Variants in NEGR1 observed in about 807,000 individuals in gnomAD.
The protein encoded by NEGR1 is neuronal growth regulator 1, also known as IgLON family member 4.
Under a neutral mutation model 40.9 loss-of-function variants are expected in NEGR1, and 10 were observed. The observed-to-expected ratio is 0.24, with a 90% CI of 0.15 to 0.42. The LOEUF is 0.42. NEGR1 is among the 10% of genes least tolerant of loss of function. NEGR1 has a pLI of 1.00. For missense variants in NEGR1, 352 were observed against 438.9 expected (o/e 0.80, Z 1.77); for synonymous variants, 185 against 166.8 (o/e 1.11, Z -0.84).
At position 71,419,657 on chromosome 1, in the gene NEGR1, C is replaced by T. The variant is rs188154556; in HGVS notation, c.941-12087G>A. Among the ~76,000 whole-genome samples, 247 of 152,186 alleles carry T rather than the reference C, an allele frequency of 1.6e-3. 1 individual carries two copies. The highest frequency in any genetic ancestry group is 2.9e-3 in the Non-Finnish European group (195 of 68,002). ...CAGCACTGCTTAATGAAAGTTTTGT[C>T]TCCTCTTGTATTTCTTAAATATTTA... On this transcript the variant is annotated intron_variant, in intron 6 of 6. Coordinates refer to ENST00000357731, the MANE Select transcript of NEGR1 (RefSeq NM_173808.3).
At chr1:71,821,369 C>T (rs1658422949) in intron 2 of NEGR1, among the ~76,000 whole-genome samples, 1 of 151,990 alleles carries the variant, frequency 6.6e-6, no homozygotes, top group Non-Finnish European at 1.5e-5. Context: ...CTGTCCAAAA[C>T]TATTTGAAGA....
At chr1:71,881,016 T>C (rs2101843007) in intron 2 of NEGR1, among the ~76,000 whole-genome samples, 1 of 152,178 alleles carries the variant, frequency 6.6e-6, no homozygotes, top group Middle Eastern at 3.4e-3. Context: ...GTATATGCTT[T>C]TATATAAAAG....
At chr1:72,270,633 TCTGA>T (rs1270122603) in intron 1 of NEGR1, among the ~76,000 whole-genome samples, 1 of 151,924 alleles carries the variant, frequency 6.6e-6, no homozygotes, top group Admixed American at 6.6e-5. Context: ...ATCTTCATCC[TCTGA>T]CTCTTTCACT....
At chr1:72,197,860 C>A (rs1363317215) in intron 1 of NEGR1, among the ~76,000 whole-genome samples, 1 of 151,998 alleles carries the variant, frequency 6.6e-6, no homozygotes, top group Admixed American at 6.6e-5. Flanking sequence ...CTTTCATTAG[C>A]CCTGGGTTAA....
intron 6 of NEGR1, among the ~76,000 whole-genome samples, chr1:71,510,078 C>A (rs1647062596): frequency 6.6e-6 from 1 of 152,084 alleles, no homozygotes; most frequent in Non-Finnish European, 1.5e-5. Context: ...AATTAATGAC[C>A]CATTAATGGG....
At chr1:72,040,214 T>G (rs113643096) in intron 1 of NEGR1, among the ~76,000 whole-genome samples, 245 of 151,892 alleles carry the variant, frequency 1.6e-3, no homozygotes, top group African/African-American at 5.6e-3. Flanking sequence ...GTCATAGTCT[T>G]CCCCCGAATC....
intron 1 of NEGR1, among the ~76,000 whole-genome samples, chr1:72,273,783 C>T (rs1314433259): frequency 2.0e-5 from 3 of 151,282 alleles, no homozygotes; most frequent in Admixed American, 6.6e-5. Context: ...TCTCTTAAAC[C>T]ACTAAGACTG....
At chr1:71,900,196 T>C (rs1661106034) in intron 2 of NEGR1, among the ~76,000 whole-genome samples, 1 of 152,140 alleles carries the variant, frequency 6.6e-6, no homozygotes, top group South Asian at 2.1e-4. Context: ...TTAAGAACTC[T>C]TGTAAGGGAT....
At chr1:71,636,312 T>C (rs993335226) in intron 4 of NEGR1, among the ~76,000 whole-genome samples, 8 of 152,148 alleles carry the variant, frequency 5.3e-5, no homozygotes, top group African/African-American at 1.9e-4. Flanking sequence ...ATCTGGAGGT[T>C]CTTTAATGAG....
chr1:71,949,269 C>T (rs1646048001), intron 1 of NEGR1, among the ~76,000 whole-genome samples: 1 of 152,126 alleles, frequency 6.6e-6, no homozygotes, highest in Admixed American at 6.6e-5. Flanking sequence ...CTTTGGAAAG[C>T]TATCCCTGAC....
chr1:72,117,598 T>C (rs1380716025), intron 1 of NEGR1, among the ~76,000 whole-genome samples: 1 of 151,790 alleles, frequency 6.6e-6, no homozygotes, highest in African/African-American at 2.4e-5. Context: ...CCATGGAATT[T>C]GGGACAACCT....
At chr1:71,942,287 G>A (rs1645966317) in intron 1 of NEGR1, among the ~76,000 whole-genome samples, 1 of 149,470 alleles carries the variant, frequency 6.7e-6, no homozygotes, top group Non-Finnish European at 1.5e-5. Flanking sequence ...TTGTAAATTA[G>A]ATGGGAAAAA....
At chr1:71,481,726 G>A (rs1033183409) in intron 6 of NEGR1, among the ~76,000 whole-genome samples, 1 of 151,596 alleles carries the variant, frequency 6.6e-6, no homozygotes, top group Admixed American at 6.6e-5. Context: ...GATTTTCTTA[G>A]TCTTTCATTT....
At chr1:71,972,452 A>C (rs1646264823) in intron 1 of NEGR1, among the ~76,000 whole-genome samples, 2 of 152,200 alleles carry the variant, frequency 1.3e-5, no homozygotes, top group Admixed American at 1.3e-4. Context: ...CTTTCTTCAA[A>C]AATACTTCTG....
intron 1 of NEGR1, among the ~76,000 whole-genome samples, chr1:72,250,265 C>G (rs1422349977): frequency 6.6e-6 from 1 of 152,092 alleles, no homozygotes; most frequent in African/African-American, 2.4e-5. Context: ...CCCTTCCCAA[C>G]AGCACCCCCC....
intron 4 of NEGR1, among the ~76,000 whole-genome samples, chr1:71,648,250 A>T (rs1001506148): frequency 2.0e-5 from 3 of 152,042 alleles, no homozygotes; most frequent in Non-Finnish European, 4.4e-5. Flanking sequence ...CACAGGGAAG[A>T]AGAAAGCAGT....
chr1:71,672,249 T>TA (rs1287425922), intron 4 of NEGR1, among the ~76,000 whole-genome samples: 5 of 152,136 alleles, frequency 3.3e-5, no homozygotes, highest in South Asian at 4.2e-4. Flanking sequence ...TATCGCTTTG[T>TA]AAAAAAAATT....
chr1:71,707,030 T>C (rs1416200199), intron 3 of NEGR1, among the ~76,000 whole-genome samples: 1 of 152,076 alleles, frequency 6.6e-6, no homozygotes, highest in Non-Finnish European at 1.5e-5. Context: ...ACTCAGCTGA[T>C]GCCCATCCGA....
chr1:71,519,663 G>A (rs1290708424), intron 6 of NEGR1, among the ~76,000 whole-genome samples: 1 of 132,946 alleles, frequency 7.5e-6, no homozygotes, highest in South Asian at 2.6e-4. Context: ...GCACCAGCAT[G>A]GCACATGTAT....
Sources: gnomAD v4.1 joint callset for allele counts (sites outside exome capture counted in the v4.1 genomes callset) on GRCh38, gnomAD v4.1.1 for gene constraint, MANE v1.5 for transcripts, NCBI Gene and HGNC (gene_info 2026-07-23, HGNC 2026-07-21) for gene names.